RIGI: variants seen among roughly 807,000 people sequenced by gnomAD.
RIGI encodes the protein antiviral innate immune response receptor RIG-I.
chr9:32,506,601 T>C, the RIGI span, among the ~76,000 whole-genome samples: 4 of 152,242 alleles, frequency 2.6e-5, no homozygotes, highest in Non-Finnish European at 2.9e-5. Context: ...GGAAATGTTA[T>C]ATAATCTGGT....
the RIGI span, among the ~76,000 whole-genome samples, chr9:32,475,738 CT>C: frequency 6.6e-6 from 1 of 152,090 alleles, no homozygotes; most frequent in Non-Finnish European, 1.5e-5. Context: ...AGTGAAAATC[CT>C]TGTGACCTTA....
At chr9:32,467,973 G>C in the RIGI span, 1 of 1,503,102 alleles carries the variant, frequency 6.7e-7, no homozygotes, top group East Asian at 2.3e-5. Context: ...TCACCAAAGA[G>C]GGAACTTCCC....
chr9:32,491,370 C>T, the RIGI span: 1 of 1,613,000 alleles, frequency 6.2e-7, no homozygotes, highest in Non-Finnish European at 8.5e-7. Flanking sequence ...ATCTGTATGT[C>T]AGAAGTTTCC....
At chr9:32,461,377 C>T in the RIGI span, among the ~76,000 whole-genome samples, 2 of 152,262 alleles carry the variant, frequency 1.3e-5, no homozygotes, top group East Asian at 1.9e-4. Flanking sequence ...CACTGATTTC[C>T]TCCATGTCTT....
At chr9:32,456,900 AT>A in the RIGI span, 1 of 492,620 alleles carries the variant, frequency 2.0e-6, no homozygotes, top group Non-Finnish European at 3.6e-6. Flanking sequence ...AGGCTTTTTA[AT>A]TTTTCCCAAG....
chr9:32,514,673 A>G, the RIGI span, among the ~76,000 whole-genome samples: 3 of 152,196 alleles, frequency 2.0e-5, no homozygotes, highest in African/African-American at 7.2e-5. Flanking sequence ...GTGTATACCT[A>G]TGTAACAAAC....
At chr9:32,473,578 C>A in the RIGI span, among the ~76,000 whole-genome samples, 1 of 152,100 alleles carries the variant, frequency 6.6e-6, no homozygotes, top group African/African-American at 2.4e-5. Context: ...AGCCACCGCA[C>A]CTGGCCATCT....
At chr9:32,462,628 T>C in the RIGI span, among the ~76,000 whole-genome samples, 24 of 152,050 alleles carry the variant, frequency 1.6e-4, no homozygotes, top group African/African-American at 5.5e-4. Context: ...AGGCTGGTCT[T>C]GAACTCCTGA....
At chr9:32,501,882 C>G in the RIGI span, among the ~76,000 whole-genome samples, 2 of 152,194 alleles carry the variant, frequency 1.3e-5, no homozygotes, top group Non-Finnish European at 2.9e-5. Context: ...CTGCCAAGGT[C>G]TCTGTCTTGA....
chr9:32,487,674 G>A, the RIGI span: 1 of 1,600,104 alleles, frequency 6.2e-7, no homozygotes, highest in African/African-American at 1.3e-5. Flanking sequence ...CTGAGAAATG[G>A]TACAATGTTT....
chr9:32,510,519 T>C, the RIGI span, among the ~76,000 whole-genome samples: 4 of 152,136 alleles, frequency 2.6e-5, no homozygotes, highest in Non-Finnish European at 4.4e-5. Context: ...AATAAAATCC[T>C]TTACAGACAA....
At chr9:32,503,747 A>G in the RIGI span, among the ~76,000 whole-genome samples, 1 of 152,132 alleles carries the variant, frequency 6.6e-6, no homozygotes, top group South Asian at 2.1e-4. Context: ...CCAAAATACT[A>G]TAAAAAATCT....
At chr9:32,457,513 A>C in the RIGI span, 4 of 1,058,534 alleles carry the variant, frequency 3.8e-6, no homozygotes, top group South Asian at 2.1e-5. Context: ...CCCCACAATA[A>C]TCTGAGGCAA....
At chr9:32,492,389 A>G in the RIGI span, 1 of 1,614,040 alleles carries the variant, frequency 6.2e-7, no homozygotes, top group Non-Finnish European at 8.5e-7. Context: ...ACAGTGTCTT[A>G]CCTTTCTCTA....
chr9:32,480,410 A>T, the RIGI span: 1 of 1,458,560 alleles, frequency 6.9e-7, no homozygotes, highest in Non-Finnish European at 9.3e-7. Flanking sequence ...CATTCACTGT[A>T]TTTAAGTTCA....
the RIGI span, among the ~76,000 whole-genome samples, chr9:32,472,630 G>A: frequency 6.6e-6 from 1 of 152,158 alleles, no homozygotes; most frequent in African/African-American, 2.4e-5. Context: ...ATGTCTGGGG[G>A]GTTCCAGTCT....
At chr9:32,479,300 T>C in the RIGI span, among the ~76,000 whole-genome samples, 1 of 152,200 alleles carries the variant, frequency 6.6e-6, no homozygotes. Context: ...TATGTACATA[T>C]ATATGCATAC....
At chr9:32,509,364 T>C in the RIGI span, among the ~76,000 whole-genome samples, 1 of 152,160 alleles carries the variant, frequency 6.6e-6, no homozygotes, top group African/African-American at 2.4e-5. Flanking sequence ...AGCTGGCATC[T>C]GGCAGGTGCC....
the RIGI span, among the ~76,000 whole-genome samples, chr9:32,501,514 C>A: frequency 6.6e-6 from 1 of 151,814 alleles, no homozygotes; most frequent in Non-Finnish European, 1.5e-5. Flanking sequence ...TGAAATAGGA[C>A]AAAGAAAGGA....
Sources: allele counts gnomAD v4.1 joint callset (sites outside exome capture counted in the v4.1 genomes callset), GRCh38; gene constraint gnomAD v4.1.1; transcripts MANE v1.5; gene names NCBI Gene and HGNC (gene_info 2026-07-23, HGNC 2026-07-21).